Variants in SDK1 observed in about 807,000 individuals in gnomAD.
SDK1 encodes protein sidekick-1.
A neutral mutation model predicts 245.5 loss-of-function variants in SDK1; 157 were observed. The ratio of observed to expected loss-of-function variants is 0.64; its 90% CI spans 0.56 to 0.73. The LOEUF (loss-of-function observed/expected upper bound fraction) is 0.73. Ranked by LOEUF, SDK1 falls within the 30% of genes least tolerant of loss-of-function variation. The pLI, the probability that SDK1 is intolerant of heterozygous loss-of-function variation, is 0.00. For synonymous variants in SDK1, 1,647 were observed against 1,278.5 expected, an observed-to-expected ratio of 1.29 and a Z score of -6.15; for missense variants, 3,583 against 3,002.3, an observed-to-expected ratio of 1.19 and a Z score of -4.52.
Position 4,267,006 on chromosome 7 carries a change from G to C in SDK1, c.*1622G>C. ...AGAAAGTGTGGCCCCTGCTTACCTA[G>C]ATGTTTTGTGCACCTCCATGGGCAG... is the stretch of plus-strand genomic sequence containing the variant. On this transcript the variant is annotated 3_prime_UTR_variant, in exon 45 of 45. Coordinates refer to ENST00000404826, the MANE Select transcript of SDK1 (RefSeq NM_152744.4). The C allele has an allele frequency of 1.0e-6, 1 of 985,584 alleles. No individual in the cohort carries two copies. The highest frequency in any genetic ancestry group is 1.2e-6 in the Non-Finnish European group (1 of 830,038). The allele number at this position is 985,584 out of a possible 1,614,324, so 61.1% of individuals were successfully genotyped here.
At chr7:3,666,458 T>C (rs571812202) in intron 4 of SDK1, among the ~76,000 whole-genome samples, 146 of 152,288 alleles carry the variant, frequency 9.6e-4, no homozygotes, top group African/African-American at 3.2e-3. Flanking sequence ...TCTGAGACCA[T>C]TTCCCAGGCT....
intron 4 of SDK1, among the ~76,000 whole-genome samples, chr7:3,731,839 T>C (rs927300145): frequency 6.6e-6 from 1 of 152,200 alleles, no homozygotes; most frequent in Admixed American, 6.5e-5. Flanking sequence ...GTCACCAGGC[T>C]GGAGTGCAGT....
intron 1 of SDK1, among the ~76,000 whole-genome samples, chr7:3,570,076 C>T (rs530536885): frequency 2.0e-5 from 3 of 152,336 alleles, no homozygotes; most frequent in South Asian, 2.1e-4. Context: ...AAACAACTGG[C>T]TCCTACTTCT....
At chr7:3,910,691 C>A (rs563411291) in intron 5 of SDK1, among the ~76,000 whole-genome samples, 1 of 152,164 alleles carries the variant, frequency 6.6e-6, no homozygotes, top group African/African-American at 2.4e-5. Flanking sequence ...TTCCCAGTTG[C>A]ATGATACATA....
At chr7:3,803,295 TTTTC>T (rs142441133) in intron 4 of SDK1, among the ~76,000 whole-genome samples, 25,929 of 148,922 alleles carry the variant, frequency 0.17, 2,477 homozygotes, top group Non-Finnish European at 0.23. Flanking sequence ...TTTTCTTTTC[TTTTC>T]TTTCTTTCTT....
chr7:3,639,846 A>G (rs1353275123), intron 3 of SDK1, among the ~76,000 whole-genome samples: 2 of 151,732 alleles, frequency 1.3e-5, no homozygotes, highest in Non-Finnish European at 2.9e-5. Flanking sequence ...TATATGTTAT[A>G]TATATAAATA....
chr7:3,953,605 T>G (rs146140661), intron 7 of SDK1, among the ~76,000 whole-genome samples: 30 of 152,362 alleles, frequency 2.0e-4, no homozygotes, highest in Middle Eastern at 3.4e-3. Flanking sequence ...CTATACCGTG[T>G]TCAAACATTT....
At chr7:3,602,737 A>G (rs1781290744) in intron 1 of SDK1, among the ~76,000 whole-genome samples, 1 of 152,186 alleles carries the variant, frequency 6.6e-6, no homozygotes, top group Admixed American at 6.5e-5. Context: ...TGTTTTAGAC[A>G]TGAAGTCCTT....
At chr7:3,352,894 G>A (rs6462030) in intron 1 of SDK1, among the ~76,000 whole-genome samples, 88,925 of 151,824 alleles carry the variant, frequency 0.59, 26,969 homozygotes, top group African/African-American at 0.76. Context: ...ATCGGAACAG[G>A]CACCAGGTTG....
In SDK1 at chr7:3,789,916, G is replaced by A. The variant is rs185035676; in HGVS notation, c.714-31534G>A. ...GGCTCGAGGACAGGCTGTGTTGGGG[G>A]GTTGGGGGCGGGTAGGGGGCAAGTG... On this transcript the variant is annotated intron_variant, in intron 4 of 44. Transcript: ENST00000404826. Among the ~76,000 whole-genome samples the A allele has an allele frequency of 2.6e-5, 4 of 152,232 alleles. No individual in the cohort carries two copies. The East Asian group carries it at 7.7e-4, about 29-fold the overall frequency.
At chr7:3,925,836 T>C (rs1338968832) in intron 5 of SDK1, among the ~76,000 whole-genome samples, 1 of 152,108 alleles carries the variant, frequency 6.6e-6, no homozygotes, top group Non-Finnish European at 1.5e-5. Context: ...AAACATAGGG[T>C]CAGCCATTGG....
chr7:3,964,853 G>T (rs1781975686), intron 9 of SDK1, among the ~76,000 whole-genome samples: 1 of 152,158 alleles, frequency 6.6e-6, no homozygotes, highest in Non-Finnish European at 1.5e-5. Flanking sequence ...ATGTGTTTCG[G>T]TGAACTAGGG....
intron 1 of SDK1, among the ~76,000 whole-genome samples, chr7:3,560,825 G>A (rs915229995): frequency 1.3e-5 from 2 of 152,070 alleles, no homozygotes; most frequent in African/African-American, 4.8e-5. Context: ...CCTCCAACCT[G>A]CCCGAGTTGC....
chr7:3,426,740 ACT>A (rs1269711018), intron 1 of SDK1, among the ~76,000 whole-genome samples: 3 of 152,150 alleles, frequency 2.0e-5, no homozygotes, highest in Non-Finnish European at 4.4e-5. Flanking sequence ...AGACTTTTTA[ACT>A]CTCAAATAAA....
rs751327405 is a variant in SDK1 at position 3,951,724 on chromosome 7, C to T, written c.960-6C>T. The T allele has an allele frequency of 1.2e-5, 20 of 1,612,156 alleles. No homozygotes were observed. The highest frequency in any genetic ancestry group is 2.2e-5 in the South Asian group (2 of 91,066). On this transcript the variant is annotated splice_region_variant and splice_polypyrimidine_tract_variant and intron_variant, in intron 6 of 44. Coordinates refer to ENST00000404826, the MANE Select transcript of SDK1 (RefSeq NM_152744.4). ...TCGTCGTCATGAATGCCTTTCATTC[C>T]CACAGGCCTGTGGAGGACCTGAGTG... is the stretch of plus-strand genomic sequence containing the variant.
intron 23 of SDK1, among the ~76,000 whole-genome samples, chr7:4,111,416 T>C (rs1333806449): frequency 6.6e-6 from 1 of 152,116 alleles, no homozygotes; most frequent in Admixed American, 6.5e-5. Flanking sequence ...GGATGGAACA[T>C]TTCATACGAT....
chr7:3,326,663 T>C (rs1159644476), intron 1 of SDK1, among the ~76,000 whole-genome samples: 2 of 152,120 alleles, frequency 1.3e-5, no homozygotes, highest in African/African-American at 4.8e-5. Flanking sequence ...AAATTAATTA[T>C]TTCAATTCAT....
intron 1 of SDK1, among the ~76,000 whole-genome samples, chr7:3,545,058 G>T (rs1380032540): frequency 2.6e-5 from 4 of 152,152 alleles, no homozygotes; most frequent in Admixed American, 1.3e-4. Context: ...CTCCTACCAG[G>T]ACTGGGAGGA....
chr7:3,750,670 G>C (rs1779749207), intron 4 of SDK1, among the ~76,000 whole-genome samples: 1 of 152,218 alleles, frequency 6.6e-6, no homozygotes, highest in South Asian at 2.1e-4. Context: ...ATTTAACTGA[G>C]TTCTTTGCTC....
Sources: gnomAD v4.1 joint callset for allele counts (sites outside exome capture counted in the v4.1 genomes callset) on GRCh38, gnomAD v4.1.1 for gene constraint, MANE v1.5 for transcripts, NCBI Gene and HGNC (gene_info 2026-07-23, HGNC 2026-07-21) for gene names.